The following CNTN2 variants were observed in gnomAD, a reference collection of about 807,000 sequenced individuals.
CNTN2 encodes contactin-2.
CNTN2 carries 53 observed loss-of-function variants against 117.5 expected under a neutral mutation model. That is an observed-to-expected ratio of 0.45 (90% CI 0.36 to 0.57). CNTN2 has a LOEUF of 0.57. Among genes scored for constraint, CNTN2 ranks in the 20% least tolerant of loss-of-function variants. CNTN2 has a pLI of 0.00. For missense variants in CNTN2, 1,106 were observed against 1,404.3 expected (o/e 0.79, Z 3.39); for synonymous variants, 530 against 561.7 (o/e 0.94, Z 0.80).
In CNTN2 at chr1:205,061,408, A is replaced by C; in HGVS notation, c.961A>C (p.Ile321Leu). The change falls in exon 8 of 23, where the codon ATC becomes CTC. Residue 321 changes from isoleucine to leucine, a missense_variant. By Grantham distance (5) the Ile-to-Leu change is conservative (BLOSUM62 2). Coordinates refer to ENST00000331830, the MANE Select transcript of CNTN2 (RefSeq NM_005076.5). The surrounding 1 kb of genome is among the most constrained non-coding windows in gnomAD (Gnocchi z 4.8). ...GGGCCGAGACACCGTGCAGGGCCGCATCATCGTGCAGGGTACAGAGCCAGG... is the reference window on the plus strand; with the variant it reads ...GGGCCGAGACACCGTGCAGGGCCGCCTCATCGTGCAGGGTACAGAGCCAGG... ...SKGRDTVQGR[I>L]IVQAQPEWLK... 6.2e-7 allele frequency: 1 copy of C among 1,611,048 alleles called. No homozygotes were observed. Among genetic ancestry groups the C allele is most frequent in the Middle Eastern group, 1.7e-4 (1 of 5,988 alleles).
chr1:205,071,392 G>A (rs1654587166), intron 19 of CNTN2, among the ~76,000 whole-genome samples: 1 of 152,220 alleles, frequency 6.6e-6, no homozygotes, highest in Non-Finnish European at 1.5e-5. Context: ...ACTAGTGATA[G>A]CACAAGTTCA....
chr1:205,064,126 A>AGGGGGGGGGGGAAGGGGGGGG (rs11329962), intron 10 of CNTN2, among the ~76,000 whole-genome samples, 196 bp from the exon 11 acceptor site: 1 of 94,374 alleles, frequency 1.1e-5, no homozygotes, highest in Admixed American at 1.0e-4. Flanking sequence ...TGAGGGGCGG[A>AGGGGGGGGGGGAAGGGGGGGG]GGGGGGGCGC....
In CNTN2 at chr1:205,058,456, C is replaced by A; in HGVS notation, c.391+100C>A. 6.5e-7 allele frequency: 1 copy of A among 1,544,696 alleles called. No homozygotes were observed. Among genetic ancestry groups the A allele is most frequent in the Non-Finnish European group, 8.8e-7 (1 of 1,131,134 alleles). On this transcript the variant is annotated intron_variant, in intron 4 of 22. Coordinates refer to ENST00000331830, the MANE Select transcript of CNTN2 (RefSeq NM_005076.5). This position sits in a 1 kb window ranked among gnomAD's most constrained non-coding sequence, Gnocchi z 4.3. ...AGGGACACCCTCAAGCCGGGCCTTC[C>A]TGACCTCACATGACATGCCTTAGTG...
At position 205,071,518 on chromosome 1, in the gene CNTN2, G is replaced by A. The variant is rs922582349; in HGVS notation, c.2545-429G>A. ...GAAAGCATATTTAGCAGGTCTTCAT[G>A]CTATGATTACCATGAAAATGGGTTT... On this transcript the variant is annotated intron_variant, in intron 19 of 22. Transcript: ENST00000331830. Among the ~76,000 whole-genome samples the A allele has an allele frequency of 5.3e-5, 8 of 152,314 alleles. 2 individuals are homozygous for A. In the Middle Eastern group the frequency reaches 0.027, roughly 518 times the overall value.
intron 1 of CNTN2, among the ~76,000 whole-genome samples, chr1:205,046,929 T>G (rs1387968843): frequency 6.6e-6 from 1 of 152,008 alleles, no homozygotes; most frequent in Non-Finnish European, 1.5e-5. Flanking sequence ...CTTTAAAGGG[T>G]CTCTCTGTTA....
At position 205,072,510 on chromosome 1, in the gene CNTN2, C is replaced by G; in HGVS notation, c.2759C>G (p.Ser920Cys). ...PPPRRPPGNI[S>C]WTFSSSSLSI... is the part of the protein sequence containing the mutation. ...CCGCGGCGACCTCCTGGCAACATCT[C>G]CTGGACTTTCTCAAGCTCTAGTCTT... is the stretch of plus-strand genomic sequence containing the variant. The change falls in exon 21 of 23, where the codon TCC becomes TGC. Residue 920 changes from serine (S) to cysteine (C), a missense_variant. Ser to Cys is a moderately radical substitution (Grantham distance 112). Coordinates refer to ENST00000331830, the MANE Select transcript of CNTN2 (RefSeq NM_005076.5). 1 of 1,614,192 alleles carries G rather than the reference C, an allele frequency of 6.2e-7. No individual in the cohort carries two copies. Among genetic ancestry groups the G allele is most frequent in the Non-Finnish European group, 8.5e-7 (1 of 1,180,036 alleles).
chr1:205,070,238 G>T (rs1479832757), intron 18 of CNTN2, 177 bp downstream of exon 18: 7 of 749,694 alleles, frequency 9.3e-6, no homozygotes, highest in Non-Finnish European at 8.7e-6. Flanking sequence ...CTCCCTTCGG[G>T]GTTAGGAAAA....
Position 205,062,015 on chromosome 1 carries a change from G to A in CNTN2, c.1110+14G>A. On this transcript the variant is annotated intron_variant, in intron 9 of 22. Coordinates refer to ENST00000331830, the MANE Select transcript of CNTN2 (RefSeq NM_005076.5). Reference sequence around the variant, plus strand: ...CTGGCCTCCCAGGTAGGAGACATGGGGCTTCCCCCGACACATCACAACTGT... The same window carrying A: ...CTGGCCTCCCAGGTAGGAGACATGGAGCTTCCCCCGACACATCACAACTGT... 1 of 1,611,724 alleles carries A rather than the reference G, an allele frequency of 6.2e-7. No homozygotes were observed.
chr1:205,073,692 C>T lies in CNTN2; in HGVS notation c.3050C>T (p.Pro1017Leu), dbSNP rs757311639. The change falls in exon 23 of 23, where the codon CCA (proline) becomes CTA (leucine). Residue 1017 changes from proline to leucine, a missense_variant. Physicochemically the swap from Pro to Leu is moderately conservative, Grantham distance 98. Coordinates refer to ENST00000331830, the MANE Select transcript of CNTN2 (RefSeq NM_005076.5). The surrounding 1 kb of genome is among the most constrained non-coding windows in gnomAD (Gnocchi z 6.3). ...ATGGTGGAGAACATGGCAGTCCGCC[C>T]AGCACCACACCCTGGCACCGTCATT... ...SMMVENMAVR[P>L]APHPGTVISH... The T allele has an allele frequency of 6.2e-7, 1 of 1,614,062 alleles. No homozygotes were observed. The highest frequency in any genetic ancestry group is 8.5e-7 in the Non-Finnish European group (1 of 1,180,032).
Position 205,075,172 on chromosome 1 carries a change from G to A in CNTN2, c.*1407G>A. The stretch of plus-strand genomic sequence containing the variant: ...AGGCTGTTTGTCTACCCAGAGGAAG[G>A]AGGCACTGCTGAATGGCTATGGCCT... On this transcript the variant is annotated 3_prime_UTR_variant, in exon 23 of 23. Transcript: ENST00000331830. 5.7e-6 allele frequency: 2 copies of A among 348,638 alleles called. No individual in the cohort carries two copies. Among genetic ancestry groups the A allele is most frequent in the East Asian group, 8.6e-5 (2 of 23,312 alleles). The allele number at this position is 348,638 out of a possible 1,614,324, so 21.6% of individuals were successfully genotyped here. A position where few individuals can be genotyped will look rare whatever the true frequency, so the allele number is the denominator to read the frequency against.
In CNTN2 at chr1:205,065,850, C is replaced by T. The variant is rs774796156; in HGVS notation, c.1757C>T (p.Thr586Met). ...CAGCTGCGCCATGGGGGGAAGTACACGTGCATGGCCCAGACGGTGGTGGAC... is the reference window on the plus strand; with the variant it reads ...CAGCTGCGCCATGGGGGGAAGTACATGTGCATGGCCCAGACGGTGGTGGAC... The part of the protein sequence containing the change: ...NAQLRHGGKY[T>M]CMAQTVVDSA... The change falls in exon 14 of 23, where the codon ACG becomes ATG. Residue 586 changes from threonine to methionine, a missense_variant. By Grantham distance (81) the Thr-to-Met change is moderately conservative (BLOSUM62 -1). Transcript: ENST00000331830. This position sits in a 1 kb window ranked among gnomAD's most constrained non-coding sequence, Gnocchi z 4.1. 7.6e-6 allele frequency: 12 copies of T among 1,583,066 alleles called. No homozygotes were observed. Among genetic ancestry groups the T allele is most frequent in the South Asian group, 3.3e-5 (3 of 90,268 alleles).
In CNTN2 at chr1:205,075,714, T is replaced by C. The variant is rs28447128; in HGVS notation, c.*1949T>C. ...CCTACCCACCCACCCCTAGCCCAGG[T>C]CAGCTTTCCTGGAGCTGGCTAATGA... On this transcript the variant is annotated 3_prime_UTR_variant, in exon 23 of 23. Coordinates refer to ENST00000331830, the MANE Select transcript of CNTN2 (RefSeq NM_005076.5). 0.23 allele frequency: 26,262 copies of C among 115,040 alleles called. 2,733 individuals carry two copies. The highest frequency in any genetic ancestry group is 0.44 in the East Asian group (1,783 of 4,024). The allele number at this position is 115,040 out of a possible 1,614,324, so 7.1% of individuals were successfully genotyped here.
Position 205,074,034 on chromosome 1 carries a change from T to C in CNTN2, c.*269T>C, listed in dbSNP as rs1654738858. The C allele has an allele frequency of 8.5e-6, 5 of 585,404 alleles. No individual in the cohort carries two copies. The Admixed American group carries it at 1.2e-4, about 14-fold the overall frequency. The allele number at this position is 585,404 out of a possible 1,614,324, so 36.3% of individuals were successfully genotyped here. A position where few individuals can be genotyped will look rare whatever the true frequency, so the allele number is the denominator to read the frequency against. ...GCCTATACCTGAGCTCTAGGCTGCCTGGAGGGAAGGAACAGGCCCATGGGA... is the reference window on the plus strand; with the variant it reads ...GCCTATACCTGAGCTCTAGGCTGCCCGGAGGGAAGGAACAGGCCCATGGGA... On this transcript the variant is annotated 3_prime_UTR_variant, in exon 23 of 23. Coordinates refer to ENST00000331830, the MANE Select transcript of CNTN2 (RefSeq NM_005076.5).
Position 205,061,769 on chromosome 1 carries a change from C to A in CNTN2, c.974-96C>A. On this transcript the variant is annotated intron_variant, in intron 8 of 22. Transcript: ENST00000331830. This position sits in a 1 kb window ranked among gnomAD's most constrained non-coding sequence, Gnocchi z 4.8. ...GAATGCTCATGGCGCCCTCTGCTGTCTGGCACAGGTGCTGCTGCCCTGATT... is the reference window on the plus strand; with the variant it reads ...GAATGCTCATGGCGCCCTCTGCTGTATGGCACAGGTGCTGCTGCCCTGATT... 7.0e-7 allele frequency: 1 copy of A among 1,437,958 alleles called. No homozygotes were observed. The highest frequency in any genetic ancestry group is 9.3e-7 in the Non-Finnish European group (1 of 1,076,784). 89.1% of individuals were successfully genotyped at this position (1,437,958 alleles called of 1,614,324 possible).
At chr1:205,072,391 G>A (rs1261296593) in intron 20 of CNTN2, 92 bp from the exon 21 acceptor site, 2 of 1,110,096 alleles carry the variant, frequency 1.8e-6, no homozygotes, top group Non-Finnish European at 2.7e-6. Context: ...ACTGCTAGAG[G>A]CAAACATCCA....
Position 205,071,935 on chromosome 1 carries a change from C to G in CNTN2, c.2545-12C>G. 6.2e-7 allele frequency: 1 copy of G among 1,604,102 alleles called. No individual in the cohort carries two copies. ...TTGACTACTACCCCTTGGGTACCCCCGCCTCCTTCAGATCCGCTACTGGAA... is the reference window on the plus strand; with the variant it reads ...TTGACTACTACCCCTTGGGTACCCCGGCCTCCTTCAGATCCGCTACTGGAA... On this transcript the variant is annotated splice_polypyrimidine_tract_variant and intron_variant, in intron 19 of 22. Transcript: ENST00000331830.
chr1:205,065,018 C>T lies in CNTN2; in HGVS notation c.1520-69C>T. On this transcript the variant is annotated intron_variant, in intron 12 of 22. Coordinates refer to ENST00000331830, the MANE Select transcript of CNTN2 (RefSeq NM_005076.5). The surrounding 1 kb of genome is among the most constrained non-coding windows in gnomAD (Gnocchi z 4.1). ...GGGCCTTAGGACAGAGCCTCTCAGC[C>T]TGCCCTGCGGACCCGGCCTGGGCCC... 1 of 1,538,890 alleles carries T rather than the reference C, an allele frequency of 6.5e-7. No homozygotes were observed. The highest frequency in any genetic ancestry group is 8.9e-7 in the Non-Finnish European group (1 of 1,125,490).
rs1467573416 is a variant in CNTN2 at position 205,059,017 on chromosome 1, G to A, written c.488-67G>A. On this transcript the variant is annotated intron_variant, in intron 5 of 22. Transcript: ENST00000331830. This position sits in a 1 kb window ranked among gnomAD's most constrained non-coding sequence, Gnocchi z 5.6. ...CTTGCAGAACCGCACCAGCATGCTGGGGTCCCACCCAGAGTGGCCCTGTTA... is the reference window on the plus strand; with the variant it reads ...CTTGCAGAACCGCACCAGCATGCTGAGGTCCCACCCAGAGTGGCCCTGTTA... 2 of 1,429,382 alleles carry A rather than the reference G, an allele frequency of 1.4e-6. No individual in the cohort carries two copies. Among genetic ancestry groups the A allele is most frequent in the Admixed American group, 1.8e-5 (1 of 57,096 alleles). The allele number at this position is 1,429,382 out of a possible 1,614,324, so 88.5% of individuals were successfully genotyped here.
intron 2 of CNTN2, among the ~76,000 whole-genome samples, chr1:205,056,480 C>T (rs1460853738): frequency 1.3e-5 from 2 of 152,192 alleles, no homozygotes; most frequent in Non-Finnish European, 2.9e-5. Flanking sequence ...GCCCTGCCTC[C>T]TACCTCATTC....
Sources: gnomAD v4.1 joint callset for allele counts (sites outside exome capture counted in the v4.1 genomes callset) on GRCh38, gnomAD v4.1.1 for gene constraint, Gnocchi (gnomAD v3.1) non-coding constraint, MANE v1.5 for transcripts, NCBI Gene and HGNC (gene_info 2026-07-23, HGNC 2026-07-21) for gene names.